The following RPS6KC1 variants were observed in gnomAD, a reference collection of about 807,000 sequenced individuals.
RPS6KC1 encodes ribosomal protein S6 kinase C1.
A neutral mutation model predicts 103.8 loss-of-function variants in RPS6KC1; 54 were observed. The ratio of observed to expected loss-of-function variants is 0.52; its 90% CI spans 0.42 to 0.65. The LOEUF (loss-of-function observed/expected upper bound fraction) is 0.65, where lower values mean the gene tolerates loss of function less well. RPS6KC1 is among the 30% of genes least tolerant of loss of function. The pLI is 0.00. For missense variants in RPS6KC1, 1,151 were observed against 1,253.8 expected, an observed-to-expected ratio of 0.92 and a Z score of 1.24; for synonymous variants, 439 against 438.7, an observed-to-expected ratio of 1.00 and a Z score of -0.01.
At position 213,252,448 on chromosome 1, in the gene RPS6KC1, TAAC is replaced by T. The variant is rs1298816347; in HGVS notation, c.2912-9105_2912-9103del. Reference sequence around the variant, plus strand: ...AGAAAGTTAAATTCTTGACCAATTGTAACAACATTTCTAATTGAACACTTAAAG... The same window carrying T: ...AGAAAGTTAAATTCTTGACCAATTGTAACATTTCTAATTGAACACTTAAAG... On this transcript the variant is annotated intron_variant, in intron 12 of 14. Coordinates refer to ENST00000366960, the MANE Select transcript of RPS6KC1 (RefSeq NM_012424.6). Among the ~76,000 whole-genome samples, 5 of 152,222 alleles carry T rather than the reference TAAC, an allele frequency of 3.3e-5. No homozygotes were observed. The East Asian group carries it at 9.6e-4, about 29-fold the overall frequency.
the RPS6KC1 span, among the ~76,000 whole-genome samples, chr1:213,604,072 A>G: frequency 6.6e-6 from 1 of 152,132 alleles, no homozygotes; most frequent in African/African-American, 2.4e-5. Context: ...TCAAGGCAAT[A>G]CTGTTCTTTT....
the RPS6KC1 span, among the ~76,000 whole-genome samples, chr1:213,302,864 T>C: frequency 6.6e-6 from 1 of 152,374 alleles, no homozygotes; most frequent in East Asian, 1.9e-4. Flanking sequence ...TATATTATTC[T>C]ATATATTGTA....
the RPS6KC1 span, among the ~76,000 whole-genome samples, chr1:213,353,193 T>C: frequency 6.6e-6 from 1 of 152,268 alleles, no homozygotes. Flanking sequence ...TGAGCAATGC[T>C]TGGCCCAGAG....
the RPS6KC1 span, among the ~76,000 whole-genome samples, chr1:213,712,860 C>G: frequency 2.6e-5 from 4 of 152,096 alleles, no homozygotes; most frequent in African/African-American, 9.7e-5. Context: ...CTAACCAGTC[C>G]CAATGAGGTA....
the RPS6KC1 span, among the ~76,000 whole-genome samples, chr1:213,374,568 G>A: frequency 2.6e-5 from 4 of 152,166 alleles, no homozygotes; most frequent in African/African-American, 9.7e-5. Flanking sequence ...GGTTTTGAAA[G>A]CTTCAGTGGA....
At chr1:213,413,270 T>G in the RPS6KC1 span, among the ~76,000 whole-genome samples, 1 of 152,262 alleles carries the variant, frequency 6.6e-6, no homozygotes, top group African/African-American at 2.4e-5. Context: ...ATTAGGAACA[T>G]TCCAATTCCA....
chr1:213,499,068 C>T, the RPS6KC1 span, among the ~76,000 whole-genome samples: 2 of 152,162 alleles, frequency 1.3e-5, no homozygotes, highest in African/African-American at 2.4e-5. Context: ...GCATGAGTCA[C>T]CGTGCCCGGC....
the RPS6KC1 span, among the ~76,000 whole-genome samples, chr1:213,725,180 C>T: frequency 1.3e-5 from 2 of 152,196 alleles, no homozygotes; most frequent in African/African-American, 4.8e-5. Context: ...TAAATTTTCC[C>T]AACAATTGTA....
chr1:213,521,444 A>G, the RPS6KC1 span, among the ~76,000 whole-genome samples: 1 of 152,226 alleles, frequency 6.6e-6, no homozygotes, highest in African/African-American at 2.4e-5. Context: ...ATGACTGATC[A>G]GGATGGTGAT....
the RPS6KC1 span, among the ~76,000 whole-genome samples, chr1:213,862,042 A>G: frequency 6.6e-6 from 1 of 152,146 alleles, no homozygotes; most frequent in Non-Finnish European, 1.5e-5. Flanking sequence ...AGCGGGGGGC[A>G]GGTGAGCAGG....
At chr1:213,250,999 A>T (rs980642496) in intron 12 of RPS6KC1, among the ~76,000 whole-genome samples, 4 of 151,972 alleles carry the variant, frequency 2.6e-5, no homozygotes, top group Non-Finnish European at 4.4e-5. Context: ...TTTGTGGCAC[A>T]TTTTATGGAA....
chr1:213,088,369 A>T (rs920266075), intron 3 of RPS6KC1, among the ~76,000 whole-genome samples: 2 of 145,794 alleles, frequency 1.4e-5, no homozygotes, highest in Admixed American at 1.4e-4. Flanking sequence ...ATGGCTAATA[A>T]TTTTTTTTTT....
At chr1:213,219,748 C>G (rs2093775996) in intron 8 of RPS6KC1, among the ~76,000 whole-genome samples, 1 of 150,908 alleles carries the variant, frequency 6.6e-6, no homozygotes, top group African/African-American at 2.4e-5. Context: ...TCTCAGCAAA[C>G]TATTGCAACG....
intron 1 of RPS6KC1, among the ~76,000 whole-genome samples, chr1:213,069,532 C>G (rs564554704): frequency 6.6e-6 from 1 of 152,246 alleles, no homozygotes; most frequent in East Asian, 1.9e-4. Flanking sequence ...TTTACATCCT[C>G]TATTTTTTGT....
the RPS6KC1 span, among the ~76,000 whole-genome samples, chr1:213,333,037 A>G: frequency 7.2e-5 from 11 of 152,172 alleles, no homozygotes; most frequent in Non-Finnish European, 1.3e-4. Context: ...TCCACATCCA[A>G]TCAGTGAGAA....
At position 213,242,286 on chromosome 1, in the gene RPS6KC1, T is replaced by G. The variant is rs1377053160; in HGVS notation, c.2810T>G (p.Leu937Trp). Residue 937 changes from leucine (L) to tryptophan (W), a missense_variant, in exon 11 of 15, where the codon TTG becomes TGG. Physicochemically the swap from Leu to Trp is moderately conservative, Grantham distance 61. Around this residue, in one of 3 missense-constraint regions of RPS6KC1, gnomAD observed 189 missense variants for 228.8 expected, o/e 0.83. Coordinates refer to ENST00000366960, the MANE Select transcript of RPS6KC1 (RefSeq NM_012424.6). ...CRDLNPNNIL[L>W]NDRGHIQLTY... Reference sequence around the variant, plus strand: ...GATTTGAACCCAAACAACATCTTATTGAATGATAGAGGTCAGGAACTTTTG... The same window carrying G: ...GATTTGAACCCAAACAACATCTTATGGAATGATAGAGGTCAGGAACTTTTG... The G allele has an allele frequency of 2.5e-6, 4 of 1,613,726 alleles. No individual in the cohort carries two copies. Among genetic ancestry groups the G allele is most frequent in the Admixed American group, 1.7e-5 (1 of 59,970 alleles).
chr1:213,370,456 T>G, the RPS6KC1 span, among the ~76,000 whole-genome samples: 1 of 151,994 alleles, frequency 6.6e-6, no homozygotes, highest in African/African-American at 2.4e-5. Context: ...GCTTGTGCAC[T>G]TCGGGATGTA....
At chr1:213,363,758 TC>T in the RPS6KC1 span, among the ~76,000 whole-genome samples, 3,721 of 78,548 alleles carry the variant, frequency 0.047, 455 homozygotes, top group Middle Eastern at 0.12. Flanking sequence ...TCTCTTTCTC[TC>T]TTCTTTCTTT....
At chr1:213,546,869 A>G in the RPS6KC1 span, among the ~76,000 whole-genome samples, 5 of 152,124 alleles carry the variant, frequency 3.3e-5, no homozygotes, top group African/African-American at 9.7e-5. Context: ...ATTTATTTCA[A>G]TTTCCACTGG....
Sources: allele counts gnomAD v4.1 joint callset (sites outside exome capture counted in the v4.1 genomes callset), GRCh38; gene constraint gnomAD v4.1.1; regional missense constraint gnomAD v4.1.1; transcripts MANE v1.5; gene names NCBI Gene and HGNC (gene_info 2026-07-23, HGNC 2026-07-21).